Variants in SLC9A9 observed in about 807,000 individuals in gnomAD.
SLC9A9 encodes the protein solute carrier family 9 member A9.
In SLC9A9, 62 loss-of-function variants were observed where a neutral mutation model predicts 77.8. That is an observed-to-expected ratio of 0.80 (90% CI 0.65 to 0.98). SLC9A9 has a LOEUF of 0.98. SLC9A9 is among the 50% of genes least tolerant of loss of function. SLC9A9 has a pLI of 0.00. For synonymous variants in SLC9A9, 320 were observed against 283.5 expected, an observed-to-expected ratio of 1.13 and a Z score of -1.29; for missense variants, 775 against 774.9, an observed-to-expected ratio of 1.00 and a Z score of 0.00.
chr3:143,698,636 G>A lies in SLC9A9; in HGVS notation c.534-5329C>T, dbSNP rs142004604. On this transcript the variant is annotated intron_variant, in intron 4 of 15. Coordinates refer to ENST00000316549, the MANE Select transcript of SLC9A9 (RefSeq NM_173653.4). ...AAGTTCCAGAAGTTTTAATTGTTTGGATGATTTAAAAATATAGTAACTTAA... is the reference window on the plus strand; with the variant it reads ...AAGTTCCAGAAGTTTTAATTGTTTGAATGATTTAAAAATATAGTAACTTAA... Among the ~76,000 whole-genome samples the A allele has an allele frequency of 2.0e-3, 301 of 152,238 alleles. 1 individual carries two copies. Among genetic ancestry groups the A allele is most frequent in the African/African-American group, 6.9e-3 (288 of 41,546 alleles).
chr3:143,684,614 T>C (rs1402898337), intron 5 of SLC9A9, among the ~76,000 whole-genome samples: 1 of 152,046 alleles, frequency 6.6e-6, no homozygotes, highest in East Asian at 1.9e-4. Context: ...ATGCTGAGAT[T>C]GTCAGGCTTA....
At chr3:143,434,561 G>A (rs547049425) in intron 12 of SLC9A9, among the ~76,000 whole-genome samples, 3 of 152,080 alleles carry the variant, frequency 2.0e-5, no homozygotes, top group Non-Finnish European at 2.9e-5. Flanking sequence ...CCAGTCTGAG[G>A]GCACAGGCTG....
chr3:143,768,975 A>G (rs2007422148), intron 4 of SLC9A9, among the ~76,000 whole-genome samples: 1 of 152,148 alleles, frequency 6.6e-6, no homozygotes, highest in African/African-American at 2.4e-5. Flanking sequence ...GCTTGTTTCT[A>G]CTCAGGTTGC....
chr3:143,291,786 A>G (rs55736952), intron 14 of SLC9A9, among the ~76,000 whole-genome samples: 6,248 of 152,258 alleles, frequency 0.041, 137 homozygotes, highest in Non-Finnish European at 0.052. Flanking sequence ...ATTACATGTT[A>G]CAGAATGACA....
At chr3:143,755,062 G>T (rs1488555735) in intron 4 of SLC9A9, among the ~76,000 whole-genome samples, 5 of 152,184 alleles carry the variant, frequency 3.3e-5, no homozygotes, top group Non-Finnish European at 7.3e-5. Context: ...AATTATAAGA[G>T]CTGAGCTTGA....
chr3:143,734,856 T>A (rs954790835), intron 4 of SLC9A9, among the ~76,000 whole-genome samples: 4 of 152,174 alleles, frequency 2.6e-5, no homozygotes, highest in African/African-American at 9.7e-5. Context: ...CCATGCTGTT[T>A]ATTCTATCTA....
chr3:143,278,272 A>AAACAC, intron 14 of SLC9A9, among the ~76,000 whole-genome samples: 1 of 152,220 alleles, frequency 6.6e-6, no homozygotes, highest in East Asian at 1.9e-4. Context: ...GGAAGACGGC[A>AAACAC]AACACAAAAC....
At chr3:143,553,395 A>G (rs1301061052) in intron 8 of SLC9A9, among the ~76,000 whole-genome samples, 1 of 152,188 alleles carries the variant, frequency 6.6e-6, no homozygotes, top group Non-Finnish European at 1.5e-5. Context: ...GGGCTTTGGG[A>G]AAAATGCAAG....
chr3:143,481,580 G>C (rs896555168), intron 11 of SLC9A9, among the ~76,000 whole-genome samples: 10 of 152,194 alleles, frequency 6.6e-5, no homozygotes, highest in Non-Finnish European at 2.9e-5. Context: ...ATTGAAGAGA[G>C]AGGTTCAGAA....
chr3:143,569,071 G>A (rs973764043), intron 8 of SLC9A9, among the ~76,000 whole-genome samples: 18 of 151,796 alleles, frequency 1.2e-4, no homozygotes, highest in Admixed American at 3.3e-4. Flanking sequence ...ATTCCTGGGT[G>A]GGAAGACTTG....
intron 14 of SLC9A9, among the ~76,000 whole-genome samples, chr3:143,303,422 G>T (rs2030625158): frequency 6.6e-6 from 1 of 151,788 alleles, no homozygotes; most frequent in Non-Finnish European, 1.5e-5. Flanking sequence ...CCTCTTGGGG[G>T]CTGGAACAGC....
At chr3:143,434,939 C>A (rs2034593584) in intron 12 of SLC9A9, among the ~76,000 whole-genome samples, 1 of 152,162 alleles carries the variant, frequency 6.6e-6, no homozygotes, top group South Asian at 2.1e-4. Context: ...CCTGCCGCTG[C>A]TCATTTTAAC....
At chr3:143,545,609 T>C (rs1336258383) in intron 9 of SLC9A9, among the ~76,000 whole-genome samples, 1 of 152,176 alleles carries the variant, frequency 6.6e-6, no homozygotes, top group Non-Finnish European at 1.5e-5. Flanking sequence ...TGTAGCAATA[T>C]AAGGTTTCTA....
chr3:143,683,548 G>A (rs986595435), intron 5 of SLC9A9, among the ~76,000 whole-genome samples: 1 of 152,018 alleles, frequency 6.6e-6, no homozygotes, highest in South Asian at 2.1e-4. Context: ...GGCAAAAATC[G>A]GGAAAATTTC....
chr3:143,525,183 A>G (rs1302036246), intron 9 of SLC9A9, among the ~76,000 whole-genome samples: 1 of 152,172 alleles, frequency 6.6e-6, no homozygotes, highest in Non-Finnish European at 1.5e-5. Flanking sequence ...TAATTTAAGA[A>G]CTAGTTCTTA....
At chr3:143,354,123 C>G (rs1187850631) in intron 14 of SLC9A9, among the ~76,000 whole-genome samples, 1 of 152,216 alleles carries the variant, frequency 6.6e-6, no homozygotes, top group Non-Finnish European at 1.5e-5. Context: ...TATTCAGGCT[C>G]TCTCGCATCT....
chr3:143,846,166 G>A (rs760096994), intron 1 of SLC9A9, among the ~76,000 whole-genome samples: 14 of 152,132 alleles, frequency 9.2e-5, no homozygotes, highest in Non-Finnish European at 1.9e-4. Flanking sequence ...ATTTTAGTAG[G>A]TTATCAAAAC....
chr3:143,276,891 C>T (rs1938067294), intron 14 of SLC9A9, among the ~76,000 whole-genome samples: 2 of 152,020 alleles, frequency 1.3e-5, no homozygotes. Context: ...CCCCTAGAGA[C>T]CTGAGTTAGG....
At chr3:143,567,428 C>T (rs538150105) in intron 8 of SLC9A9, among the ~76,000 whole-genome samples, 3 of 152,122 alleles carry the variant, frequency 2.0e-5, no homozygotes, top group Admixed American at 2.0e-4. Context: ...TGTACATACT[C>T]TCATCCTCTA....
Sources: allele counts gnomAD v4.1 joint callset (sites outside exome capture counted in the v4.1 genomes callset), GRCh38; gene constraint gnomAD v4.1.1; transcripts MANE v1.5; gene names NCBI Gene and HGNC (gene_info 2026-07-23, HGNC 2026-07-21).